AAK1: variants seen among roughly 807,000 people sequenced by gnomAD.
The protein encoded by AAK1 is AP2 associated kinase 1.
In AAK1, 37 loss-of-function variants were observed where a neutral mutation model predicts 116.0. The observed-to-expected ratio is 0.32, with a 90% CI of 0.25 to 0.42. The LOEUF is 0.42. AAK1 is among the 10% of genes least tolerant of loss of function. AAK1 has a pLI of 1.00. For synonymous variants in AAK1, 458 were observed against 439.9 expected (o/e 1.04, Z -0.51); for missense variants, 919 against 1,170.6 (o/e 0.79, Z 3.14).
intron 3 of AAK1, among the ~76,000 whole-genome samples, chr2:69,545,226 G>A (rs985486343): frequency 2.6e-5 from 4 of 152,132 alleles, no homozygotes; most frequent in African/African-American, 9.7e-5. Flanking sequence ...CATTTGTTGA[G>A]CACCTCCTAT....
chr2:69,490,237 C>T (rs1210766531), intron 17 of AAK1, among the ~76,000 whole-genome samples: 1 of 152,146 alleles, frequency 6.6e-6, no homozygotes, highest in Non-Finnish European at 1.5e-5. Flanking sequence ...GATGCAGCCT[C>T]TATGGAAAAC....
intron 2 of AAK1, among the ~76,000 whole-genome samples, chr2:69,607,497 C>A (rs10193486): frequency 0.11 from 17,454 of 152,024 alleles, 2,255 homozygotes; most frequent in African/African-American, 0.3. Context: ...CTCTGACTCC[C>A]ACAAGCCCCC....
At chr2:69,594,975 G>C in intron 2 of AAK1, 1 of 828,858 alleles carries the variant, frequency 1.2e-6, no homozygotes, top group Non-Finnish European at 2.1e-6. Context: ...GAGAATCCTT[G>C]CCCTTTTTAC....
chr2:69,596,297 T>C lies in AAK1; in HGVS notation c.164-39319A>G, dbSNP rs192745227. Among the ~76,000 whole-genome samples the C allele has an allele frequency of 6.2e-4, 94 of 151,646 alleles. No homozygotes were observed. In the East Asian group the frequency reaches 0.013, roughly 22 times the overall value. On this transcript the variant is annotated intron_variant, in intron 2 of 21. Coordinates refer to ENST00000409085, the MANE Select transcript of AAK1 (RefSeq NM_014911.5). ...GTGCAGTGGCGCCATTTTGGCTCAC[T>C]GAGACCTTGGCCTCCCAGGTTCAAG...
At chr2:69,533,687 A>G (rs948715660) in intron 5 of AAK1, among the ~76,000 whole-genome samples, 1 of 152,184 alleles carries the variant, frequency 6.6e-6, no homozygotes, top group African/African-American at 2.4e-5. Context: ...TTTAAAGTCT[A>G]TTGTTCTTCC....
At chr2:69,511,771 G>A (rs143292222) in intron 13 of AAK1, among the ~76,000 whole-genome samples, 15 of 152,230 alleles carry the variant, frequency 9.9e-5, no homozygotes, top group African/African-American at 3.4e-4. Flanking sequence ...GAAAGGAGTT[G>A]GATAGTTTTC....
At chr2:69,634,449 A>G (rs1014968254) in intron 2 of AAK1, among the ~76,000 whole-genome samples, 1 of 152,226 alleles carries the variant, frequency 6.6e-6, no homozygotes, top group Non-Finnish European at 1.5e-5. Flanking sequence ...TTCGCATAAG[A>G]GCAGCTTGTC....
chr2:69,501,756 G>C lies in AAK1; in HGVS notation c.2269+3813C>G, dbSNP rs948066865. 3.3e-5 allele frequency among the ~76,000 whole-genome samples: 5 copies of C among 152,306 alleles called. No individual in the cohort carries two copies. The South Asian group carries it at 1.0e-3, about 32-fold the overall frequency. On this transcript the variant is annotated intron_variant, in intron 16 of 21. Coordinates refer to ENST00000409085, the MANE Select transcript of AAK1 (RefSeq NM_014911.5). ...AGGCCGAGGTGGGTGGATCACCTGA[G>C]GTCACGAATTTGAGACCAGCCTGGC...
intron 13 of AAK1, among the ~76,000 whole-genome samples, chr2:69,512,449 C>T (rs939806789): frequency 1.3e-5 from 2 of 152,128 alleles, no homozygotes; most frequent in African/African-American, 4.8e-5. Flanking sequence ...TTAATGGCTG[C>T]ACAGTTGGGT....
At chr2:69,538,541 C>T (rs1670572028) in intron 5 of AAK1, among the ~76,000 whole-genome samples, 1 of 152,240 alleles carries the variant, frequency 6.6e-6, no homozygotes, top group African/African-American at 2.4e-5. Flanking sequence ...ACTGGTATGA[C>T]ATGACTATCA....
At position 69,606,931 on chromosome 2, in the gene AAK1, T is replaced by A. The variant is rs1023823800; in HGVS notation, c.163+35947A>T. 4.7e-5 allele frequency among the ~76,000 whole-genome samples: 7 copies of A among 150,342 alleles called. No homozygotes were observed. The East Asian group carries it at 1.4e-3, about 29-fold the overall frequency. ...AAATACAGAAATTAGCCGGGCGTGG[T>A]GGTGCATGCCTGTAGTCCCAGCTAC... is the stretch of plus-strand genomic sequence containing the variant. On this transcript the variant is annotated intron_variant, in intron 2 of 21. Transcript: ENST00000409085.
intron 2 of AAK1, among the ~76,000 whole-genome samples, chr2:69,583,921 T>A (rs1266095855): frequency 6.6e-6 from 1 of 152,220 alleles, no homozygotes; most frequent in Non-Finnish European, 1.5e-5. Flanking sequence ...TTCCCCTGAA[T>A]GGAAAAAAAA....
rs564331594 is a variant in AAK1 at position 69,463,125 on chromosome 2, C to T, written c.*12744G>A. 87 of 152,258 alleles carry T rather than the reference C, an allele frequency of 5.7e-4. No homozygotes were observed. Among genetic ancestry groups the T allele is most frequent in the African/African-American group, 1.9e-3 (78 of 41,556 alleles). 9.4% of individuals were successfully genotyped at this position (152,258 alleles called of 1,614,324 possible). A position where few individuals can be genotyped will look rare whatever the true frequency, so the allele number is the denominator to read the frequency against. On this transcript the variant is annotated 3_prime_UTR_variant, in exon 22 of 22. Coordinates refer to ENST00000409085, the MANE Select transcript of AAK1 (RefSeq NM_014911.5). ...TTAAAGAATATCACACCTAATCAAC[C>T]GCAATAGAATTGGGCATTCAGACTT...
At chr2:69,586,616 G>A (rs1345494928) in intron 2 of AAK1, among the ~76,000 whole-genome samples, 2 of 152,156 alleles carry the variant, frequency 1.3e-5, no homozygotes, top group African/African-American at 4.8e-5. Context: ...TCAATGCTCG[G>A]TAACTACTGA....
chr2:69,604,157 T>C (rs993018300), intron 2 of AAK1, among the ~76,000 whole-genome samples: 3 of 152,202 alleles, frequency 2.0e-5, no homozygotes, highest in Non-Finnish European at 4.4e-5. Flanking sequence ...AAAGCTGCCT[T>C]TGATGCACCT....
intron 17 of AAK1, among the ~76,000 whole-genome samples, chr2:69,494,279 A>G (rs1675653779): frequency 6.6e-6 from 1 of 152,188 alleles, no homozygotes; most frequent in Admixed American, 6.5e-5. Context: ...GATGACAAGA[A>G]GGCAGGCAGG....
intron 5 of AAK1, among the ~76,000 whole-genome samples, chr2:69,539,192 C>A (rs1016195247): frequency 1.3e-5 from 2 of 152,164 alleles, no homozygotes; most frequent in Non-Finnish European, 2.9e-5. Context: ...GGAGAAGACA[C>A]CATCATAGAG....
intron 1 of AAK1, 46 bp downstream of exon 1, chr2:69,643,529 C>T (rs1015980677): frequency 8.2e-7 from 1 of 1,226,362 alleles, no homozygotes; most frequent in African/African-American, 1.6e-5. Context: ...CCGCTCCTCC[C>T]GGGTCTCCCC....
chr2:69,480,142 A>G (rs578243877), intron 19 of AAK1, among the ~76,000 whole-genome samples: 1 of 152,180 alleles, frequency 6.6e-6, no homozygotes, highest in East Asian at 1.9e-4. Flanking sequence ...AATAAATCAT[A>G]ATGTCTTTGG....
Sources: gnomAD v4.1 joint callset for allele counts (sites outside exome capture counted in the v4.1 genomes callset) on GRCh38, gnomAD v4.1.1 for gene constraint, MANE v1.5 for transcripts, NCBI Gene and HGNC (gene_info 2026-07-23, HGNC 2026-07-21) for gene names.